The following NCAM1 variants were observed in gnomAD, a reference collection of about 807,000 sequenced individuals.
The protein encoded by NCAM1 is antigen recognized by monoclonal antibody 5.1H11.
Under a neutral mutation model 109.8 loss-of-function variants are expected in NCAM1, and 14 were observed. The observed-to-expected ratio is 0.13, with a 90% confidence interval of 0.08 to 0.20. The LOEUF is 0.20. NCAM1 is among the 10% of genes least tolerant of loss of function. The probability of loss-of-function intolerance (pLI) is 1.00; values close to 1 mark genes in which losing one functional copy is unlikely to be tolerated. For synonymous variants in NCAM1, 418 were observed against 442.9 expected (o/e 0.94, Z 0.70); for missense variants, 774 against 1,109.9 (o/e 0.70, Z 4.30).
intron 1 of NCAM1, among the ~76,000 whole-genome samples, chr11:113,143,580 G>A (rs782640187): frequency 6.6e-6 from 1 of 152,146 alleles, no homozygotes; most frequent in Non-Finnish European, 1.5e-5. Flanking sequence ...AAGGGTTTTG[G>A]CTCAGCACTG....
chr11:113,098,347 A>G (rs1459260478), intron 1 of NCAM1, among the ~76,000 whole-genome samples: 3 of 152,230 alleles, frequency 2.0e-5, no homozygotes, highest in Non-Finnish European at 4.4e-5. Flanking sequence ...CATAAAACCT[A>G]CATACATCCT....
Position 113,214,479 on chromosome 11 carries a change from A to T in NCAM1, c.1027A>T (p.Thr343Ser). The change falls in exon 8 of 20, where the codon ACT becomes TCT. Residue 343 changes from threonine (T) to serine (S), a missense_variant. Transcript: ENST00000316851. Reference sequence around the variant, plus strand: ...CCCCATTCCCTCCATCACCTGGAGGACTTCTACCCGGAACATCAGCAGCGA... The same window carrying T: ...CCCCATTCCCTCCATCACCTGGAGGTCTTCTACCCGGAACATCAGCAGCGA... The part of the protein sequence containing the change: ...GDPIPSITWR[T>S]STRNISSEEK... 1 of 1,611,896 alleles carries T rather than the reference A, an allele frequency of 6.2e-7. No homozygotes were observed. The highest frequency in any genetic ancestry group is 1.1e-5 in the South Asian group (1 of 90,502).
In NCAM1 at chr11:113,233,167, A is replaced by G. The variant is rs1555117629; in HGVS notation, c.1543A>G (p.Ile515Val). 1.2e-6 allele frequency: 2 copies of G among 1,613,440 alleles called. No individual in the cohort carries two copies. The highest frequency in any genetic ancestry group is 1.7e-5 in the Admixed American group (1 of 60,012). ...VQADTPSSPSIDQVEPYSSTA... is the reference protein window; with the variant it reads ...VQADTPSSPSVDQVEPYSSTA... ...CACAGACACCCCCTCTTCACCATCC[A>G]TCGACCAGGTGGAGCCATACTCCAG... Residue 515 changes from isoleucine (I) to valine (V), a missense_variant, in exon 13 of 20, where the codon ATC becomes GTC. Physicochemically the swap from Ile to Val is conservative, Grantham distance 29. Coordinates refer to ENST00000316851, the MANE Select transcript of NCAM1 (RefSeq NM_181351.5). This position sits in a 1 kb window ranked among gnomAD's most constrained non-coding sequence, Gnocchi z 4.5.
intron 1 of NCAM1, among the ~76,000 whole-genome samples, chr11:113,114,916 C>T (rs1217847431): frequency 1.3e-5 from 2 of 152,170 alleles, no homozygotes; most frequent in South Asian, 2.1e-4. Flanking sequence ...TCCTCTCCCC[C>T]ACTGAAAATA....
intron 1 of NCAM1, among the ~76,000 whole-genome samples, chr11:113,091,812 G>A (rs1423278860): frequency 2.6e-5 from 4 of 152,132 alleles, no homozygotes; most frequent in Non-Finnish European, 5.9e-5. Context: ...TCGTGAAGGC[G>A]GATGAGAATT....
intron 1 of NCAM1, among the ~76,000 whole-genome samples, chr11:113,015,754 A>G (rs1170532597): frequency 6.6e-5 from 10 of 152,112 alleles, no homozygotes; most frequent in Non-Finnish European, 1.3e-4. Context: ...ACAAAAACAA[A>G]AAAAAGAAAA....
At chr11:113,064,372 G>T (rs1250290123) in intron 1 of NCAM1, among the ~76,000 whole-genome samples, 1 of 152,094 alleles carries the variant, frequency 6.6e-6, no homozygotes, top group East Asian at 1.9e-4. Context: ...GACATACTTG[G>T]GGTAAAAGAA....
At chr11:113,186,067 G>A (rs1943500315) in intron 1 of NCAM1, among the ~76,000 whole-genome samples, 1 of 152,164 alleles carries the variant, frequency 6.6e-6, no homozygotes, top group Non-Finnish European at 1.5e-5. Context: ...TATCTTTTAA[G>A]GCATGGCCAG....
At chr11:113,152,648 C>G (rs1942265222) in intron 1 of NCAM1, among the ~76,000 whole-genome samples, 2 of 152,188 alleles carry the variant, frequency 1.3e-5, no homozygotes, top group African/African-American at 4.8e-5. Context: ...GCATTTGTAA[C>G]TGTTACTTAT....
At chr11:113,241,411 C>T (rs539136238) in intron 14 of NCAM1, among the ~76,000 whole-genome samples, 4 of 152,292 alleles carry the variant, frequency 2.6e-5, no homozygotes, top group African/African-American at 9.6e-5. Flanking sequence ...ATCGTTTAAC[C>T]CTTCACAAGT....
At chr11:113,021,517 T>A (rs1276784069) in intron 1 of NCAM1, among the ~76,000 whole-genome samples, 1 of 152,250 alleles carries the variant, frequency 6.6e-6, no homozygotes, top group African/African-American at 2.4e-5. Context: ...ATGTTTGTTT[T>A]CATCCTTCCT....
intron 14 of NCAM1, among the ~76,000 whole-genome samples, chr11:113,239,614 T>G (rs1297117734): frequency 6.8e-6 from 1 of 147,122 alleles, no homozygotes; most frequent in Non-Finnish European, 1.5e-5. Context: ...CACGCCATAC[T>G]CCTGAGTCTC....
intron 1 of NCAM1, among the ~76,000 whole-genome samples, chr11:112,999,339 A>G (rs1412243927): frequency 1.2e-4 from 18 of 152,150 alleles, no homozygotes; most frequent in South Asian, 2.1e-4. Context: ...TATATTCCAT[A>G]TTGTTCAAAG....
chr11:113,218,667 G>T (rs1944598395), intron 8 of NCAM1, among the ~76,000 whole-genome samples: 1 of 152,184 alleles, frequency 6.6e-6, no homozygotes, highest in Non-Finnish European at 1.5e-5. Context: ...ATTTGAGAAT[G>T]ACCATTACCA....
intron 1 of NCAM1, among the ~76,000 whole-genome samples, chr11:113,047,126 C>T (rs1953298449): frequency 6.6e-6 from 1 of 152,154 alleles, no homozygotes; most frequent in East Asian, 1.9e-4. Flanking sequence ...TGCATGTGTA[C>T]CCGTAAGGCT....
chr11:112,961,645 GT>G lies in NCAM1; in HGVS notation c.38del (p.Phe13SerfsTer100). 1 of 1,483,686 alleles carries G rather than the reference GT, an allele frequency of 6.7e-7. No individual in the cohort carries two copies. Among genetic ancestry groups the G allele is most frequent in the Non-Finnish European group, 9.4e-7 (1 of 1,069,192 alleles). The allele number at this position is 1,483,686 out of a possible 1,614,324, so 91.9% of individuals were successfully genotyped here. On this transcript the variant is annotated frameshift_variant, in exon 1 of 20. Transcript: ENST00000316851. LOFTEE classifies it high-confidence loss of function. Reference protein sequence around the residue: ...LQTKDLIWTLFFLGTAVSLQV... With the variant: ...LQTKDLIWTLXFLGTAVSLQV... Reference sequence around the variant, plus strand: ...AAACTAAGGATCTCATCTGGACTTTGTTTTTCCTGGGAACTGCAGGTACATT... The same window carrying G: ...AAACTAAGGATCTCATCTGGACTTTGTTTTCCTGGGAACTGCAGGTACATT...
Position 113,162,280 on chromosome 11 carries a change from G to T in NCAM1, c.53-40099G>T, listed in dbSNP as rs143490402. 2.3e-4 allele frequency among the ~76,000 whole-genome samples: 35 copies of T among 152,170 alleles called. No homozygotes were observed. In the South Asian group the frequency reaches 5.4e-3, roughly 23 times the overall value. ...AACCCCTTTGTCTTTTTGGTTTCCA[G>T]TCATTAGAAGCATGTTTTTTGTCTT... On this transcript the variant is annotated intron_variant, in intron 1 of 19. Coordinates refer to ENST00000316851, the MANE Select transcript of NCAM1 (RefSeq NM_181351.5).
chr11:113,044,278 T>C (rs1555080433), intron 1 of NCAM1, among the ~76,000 whole-genome samples: 1 of 152,132 alleles, frequency 6.6e-6, no homozygotes, highest in East Asian at 1.9e-4. Flanking sequence ...ATTTGACTTT[T>C]GAGGGAGGAT....
At chr11:113,097,026 T>C (rs1287529413) in intron 1 of NCAM1, among the ~76,000 whole-genome samples, 2 of 152,190 alleles carry the variant, frequency 1.3e-5, no homozygotes, top group Non-Finnish European at 2.9e-5. Context: ...AATCCCATGC[T>C]TTACAAGTAT....
Sources: allele counts gnomAD v4.1 joint callset (sites outside exome capture counted in the v4.1 genomes callset), GRCh38; gene constraint gnomAD v4.1.1; non-coding constraint Gnocchi (gnomAD v3.1); transcripts MANE v1.5; gene names NCBI Gene and HGNC (gene_info 2026-07-23, HGNC 2026-07-21).